The following IPO8 variants were observed in gnomAD, a reference collection of about 807,000 sequenced individuals.
IPO8 encodes importin-8.
IPO8 carries 65 observed loss-of-function variants against 141.2 expected under a neutral mutation model. That is an observed-to-expected ratio of 0.46 (90% CI 0.38 to 0.57). IPO8 has a LOEUF of 0.57. IPO8 is among the 20% of genes least tolerant of loss of function. The probability of loss-of-function intolerance (pLI) is 0.00; values close to 1 mark genes in which losing one functional copy is unlikely to be tolerated. For missense variants in IPO8, 980 were observed against 1,246.8 expected (o/e 0.79, Z 3.22); for synonymous variants, 411 against 420.3 (o/e 0.98, Z 0.27).
In IPO8 at chr12:30,632,004, C is replaced by T. The variant is rs1276564047; in HGVS notation, c.2907G>A (p.Gln969=). 2.5e-6 allele frequency: 4 copies of T among 1,610,994 alleles called. No individual in the cohort carries two copies. Among genetic ancestry groups the T allele is most frequent in the East Asian group, 2.2e-5 (1 of 44,846 alleles). ...GCTGGTACCAGGCTGCATCTCGACTCTGCACAGCTGTTGCATTTTGGGAGG... is the reference window on the plus strand; with the variant it reads ...GCTGGTACCAGGCTGCATCTCGACTTTGCACAGCTGTTGCATTTTGGGAGG... The part of the protein sequence containing the change: ...QFFTQALITV[Q]SRDAAWYQLL... The change falls in exon 24 of 25, where the codon CAG becomes CAA. Residue 969 remains glutamine, a synonymous_variant. Transcript: ENST00000256079.
chr12:30,636,375 C>A (rs937512614), intron 22 of IPO8, among the ~76,000 whole-genome samples: 5 of 152,054 alleles, frequency 3.3e-5, no homozygotes, highest in African/African-American at 1.2e-4. Context: ...AGTAGCTCCG[C>A]AATCTCATCA....
intron 5 of IPO8, among the ~76,000 whole-genome samples, chr12:30,678,015 A>G (rs567941150): frequency 6.6e-6 from 1 of 151,774 alleles, no homozygotes. Flanking sequence ...AGGCGCCTGT[A>G]AATCGAGGCT....
At chr12:30,652,697 G>A (rs992139104) in intron 18 of IPO8, among the ~76,000 whole-genome samples, 3 of 151,986 alleles carry the variant, frequency 2.0e-5, no homozygotes, top group Non-Finnish European at 4.4e-5. Context: ...GAATATAGTT[G>A]GTGTCCATAA....
Position 30,666,223 on chromosome 12 carries a change from G to T in IPO8, c.1173C>A (p.Thr391=). 6.3e-7 allele frequency: 1 copy of T among 1,590,706 alleles called. No individual in the cohort carries two copies. Among genetic ancestry groups the T allele is most frequent in the African/African-American group, 1.4e-5 (1 of 73,958 alleles). The change falls in exon 11 of 25, where the codon ACC becomes ACA. Residue 391 remains threonine (T), a synonymous_variant. Coordinates refer to ENST00000256079, the MANE Select transcript of IPO8 (RefSeq NM_006390.4). The stretch of plus-strand genomic sequence containing the variant: ...TATATAAGAGAGTCTGGGCTGCTGT[G>T]GTGGGAGAAGCATAATCTTCAAAAA... ...FDIFEDYASP[T]TAAQTLLYTA...
In IPO8 at chr12:30,663,539, T is replaced by C; in HGVS notation, c.1544A>G (p.Lys515Arg). The C allele has an allele frequency of 6.2e-7, 1 of 1,613,876 alleles. No homozygotes were observed. Among genetic ancestry groups the C allele is most frequent in the Non-Finnish European group, 8.5e-7 (1 of 1,179,902 alleles). ...SLIEDKEMPV[K>R]VEAALALQSL... ...CTGAAGAGCAAGGGCAGCTTCAACTTTGACAGGCATCTCTTTATCTTCAAT... is the reference window on the plus strand; with the variant it reads ...CTGAAGAGCAAGGGCAGCTTCAACTCTGACAGGCATCTCTTTATCTTCAAT... The change falls in exon 14 of 25, where the codon AAA becomes AGA. Residue 515 changes from lysine (K) to arginine (R), a missense_variant. Physicochemically the swap from Lys to Arg is conservative, Grantham distance 26 (BLOSUM62 2). This residue lies in a region of IPO8 where 924 missense variants were observed against 1,153.9 expected (regional missense o/e 0.80). Transcript: ENST00000256079.
intron 23 of IPO8, 33 bp downstream of exon 23, chr12:30,634,050 A>T (rs978159227): frequency 5.8e-6 from 9 of 1,564,936 alleles, no homozygotes; most frequent in East Asian, 2.2e-5. Context: ...TAGAAAAAAA[A>T]ATATCAGAAG....
chr12:30,653,155 C>T, intron 17 of IPO8, 63 bp from the exon 18 acceptor site: 1 of 1,501,666 alleles, frequency 6.7e-7, no homozygotes, highest in Non-Finnish European at 9.1e-7. Context: ...ACAAAGACCA[C>T]ACAGAGGAGG....
chr12:30,648,603 A>G (rs1226550612), intron 20 of IPO8, among the ~76,000 whole-genome samples: 1 of 152,230 alleles, frequency 6.6e-6, no homozygotes, highest in Admixed American at 6.5e-5. Flanking sequence ...CTTACAGAAA[A>G]GAAAAATTCA....
chr12:30,679,820 A>G (rs1273460957), intron 5 of IPO8, among the ~76,000 whole-genome samples: 1 of 152,212 alleles, frequency 6.6e-6, no homozygotes, highest in Non-Finnish European at 1.5e-5. Flanking sequence ...TCATTCATCA[A>G]ACAGTTAAGA....
intron 5 of IPO8, chr12:30,680,228 T>G (rs1337732011): frequency 3.2e-6 from 1 of 313,992 alleles, no homozygotes; most frequent in Non-Finnish European, 5.8e-6. Context: ...TTAGAGCAGG[T>G]AGGTTTACCT....
intron 3 of IPO8, among the ~76,000 whole-genome samples, chr12:30,682,990 T>C (rs2136171255): frequency 6.6e-6 from 1 of 152,240 alleles, no homozygotes; most frequent in African/African-American, 2.4e-5. Flanking sequence ...TAGTAGCTGC[T>C]CCTTTAAACA....
intron 16 of IPO8, 29 bp downstream of exon 16, chr12:30,661,111 AT>A: frequency 2.9e-6 from 1 of 347,230 alleles, no homozygotes; most frequent in South Asian, 4.3e-5. Flanking sequence ...AAATGCTACT[AT>A]TATATCATAA....
intron 2 of IPO8, chr12:30,688,261 C>G (rs2053261208): frequency 3.9e-6 from 1 of 257,544 alleles, no homozygotes; most frequent in African/African-American, 2.3e-5. Flanking sequence ...AAGCAGCAGA[C>G]CAAACATTCA....
chr12:30,653,658 C>A (rs2052757937), intron 17 of IPO8, among the ~76,000 whole-genome samples: 1 of 151,986 alleles, frequency 6.6e-6, no homozygotes, highest in African/African-American at 2.4e-5. Flanking sequence ...AGGAAATGTT[C>A]TTATACTCAC....
At position 30,663,491 on chromosome 12, in the gene IPO8, T is replaced by G. The variant is rs1486668648; in HGVS notation, c.1592A>C (p.Gln531Pro). 6.2e-7 allele frequency: 1 copy of G among 1,608,118 alleles called. No individual in the cohort carries two copies. The highest frequency in any genetic ancestry group is 2.2e-5 in the East Asian group (1 of 44,728). ...TCTAAAAGGTATTTTGGCTTTACCT[T>G]GTATCTGGTTAGAAATTAAAGACTG... ...ALQSLISNQI[Q>P]AKEYMKPHVR... is the part of the protein sequence containing the mutation. The change falls in exon 14 of 25, where the codon CAA becomes CCA. Residue 531 changes from glutamine (Q) to proline (P), a missense_variant and splice_region_variant. Gln to Pro is a moderately conservative substitution (Grantham distance 76). Around this residue, in one of 3 missense-constraint regions of IPO8, gnomAD observed 924 missense variants for 1,153.9 expected, o/e 0.80. Coordinates refer to ENST00000256079, the MANE Select transcript of IPO8 (RefSeq NM_006390.4).
At chr12:30,644,597 CTCAGGT>C (rs2052616333) in intron 20 of IPO8, among the ~76,000 whole-genome samples, 1 of 151,272 alleles carries the variant, frequency 6.6e-6, no homozygotes, top group East Asian at 1.9e-4. Context: ...AGCAAGCTCC[CTCAGGT>C]CCAAACAAAC....
intron 1 of IPO8, among the ~76,000 whole-genome samples, chr12:30,694,116 A>G (rs1204611679): frequency 5.9e-5 from 9 of 152,174 alleles, no homozygotes; most frequent in Non-Finnish European, 4.4e-5. Context: ...GAAGGGGGTC[A>G]TAAACAGGCC....
In IPO8 at chr12:30,695,550, G is replaced by C; in HGVS notation, c.84+14C>G. ...CCTTCGGCGGAAGAGGGTCGCCGAA[G>C]ACCCTCTCCTCACCTGGTTGAGCTC... is the stretch of plus-strand genomic sequence containing the variant. On this transcript the variant is annotated intron_variant, in intron 1 of 24. Transcript: ENST00000256079. This position sits in a 1 kb window ranked among gnomAD's most constrained non-coding sequence, Gnocchi z 4.2. The C allele has an allele frequency of 6.2e-7, 1 of 1,611,440 alleles. No homozygotes were observed. The highest frequency in any genetic ancestry group is 8.5e-7 in the Non-Finnish European group (1 of 1,178,072).
rs527656017 is a variant in IPO8 at position 30,659,044 on chromosome 12, CT to C, written c.1881+2096del. 1.6e-3 allele frequency among the ~76,000 whole-genome samples: 238 copies of C among 152,020 alleles called. 2 individuals carry two copies. The highest frequency in any genetic ancestry group is 5.4e-3 in the African/African-American group (224 of 41,514). On this transcript the variant is annotated intron_variant, in intron 16 of 24. Transcript: ENST00000256079. Reference sequence around the variant, plus strand: ...TACAGGCGCCCGCCACCACGCCAGGCTAATTTTTTGTATTTTTAGTAGAGAT... The same window carrying C: ...TACAGGCGCCCGCCACCACGCCAGGCAATTTTTTGTATTTTTAGTAGAGAT...
Sources: gnomAD v4.1 joint callset for allele counts (sites outside exome capture counted in the v4.1 genomes callset) on GRCh38, gnomAD v4.1.1 for gene constraint, gnomAD v4.1.1 regional missense constraint, Gnocchi (gnomAD v3.1) non-coding constraint, MANE v1.5 for transcripts, NCBI Gene and HGNC (gene_info 2026-07-23, HGNC 2026-07-21) for gene names.